The following ZFAT variants were observed in gnomAD, a reference collection of about 807,000 sequenced individuals.
ZFAT encodes the protein zinc finger and AT-hook domain containing, also known as zinc finger protein ZFAT.
A neutral mutation model predicts 117.7 loss-of-function variants in ZFAT; 64 were observed. The ratio of observed to expected loss-of-function variants is 0.54; its 90% CI spans 0.44 to 0.67. ZFAT has a LOEUF of 0.67. ZFAT is among the 30% of genes least tolerant of loss of function. The pLI is 0.00. For synonymous variants in ZFAT, 679 were observed against 615.0 expected (o/e 1.10, Z -1.54); for missense variants, 1,433 against 1,584.5 (o/e 0.90, Z 1.62).
chr8:134,548,799 T>C (rs920217495), intron 11 of ZFAT, among the ~76,000 whole-genome samples: 2 of 152,170 alleles, frequency 1.3e-5, no homozygotes, highest in Admixed American at 6.5e-5. Flanking sequence ...TATGGCCTCT[T>C]CCAGGGAGGG....
chr8:134,538,744 C>T (rs949025005), intron 11 of ZFAT, among the ~76,000 whole-genome samples: 5 of 148,924 alleles, frequency 3.4e-5, no homozygotes, highest in Non-Finnish European at 7.4e-5. Flanking sequence ...TCACAGTGAG[C>T]CAAGATTGCG....
At chr8:134,653,831 A>G (rs1241990362) in intron 2 of ZFAT, among the ~76,000 whole-genome samples, 1 of 152,180 alleles carries the variant, frequency 6.6e-6, no homozygotes, top group Non-Finnish European at 1.5e-5. Flanking sequence ...ACATATTATG[A>G]TCCCATTTTT....
chr8:134,647,803 A>G (rs1023194835), intron 2 of ZFAT, among the ~76,000 whole-genome samples: 2 of 152,166 alleles, frequency 1.3e-5, no homozygotes, highest in Admixed American at 6.5e-5. Context: ...ATCAAGGTGA[A>G]AGATCCGTAT....
intron 10 of ZFAT, among the ~76,000 whole-genome samples, chr8:134,583,340 T>C (rs958212166): frequency 6.6e-6 from 1 of 152,186 alleles, no homozygotes; most frequent in Non-Finnish European, 1.5e-5. Context: ...AAATTAGAAA[T>C]CCACTTAAGT....
intron 15 of ZFAT, among the ~76,000 whole-genome samples, chr8:134,485,945 G>A (rs572320453): frequency 3.3e-5 from 5 of 152,214 alleles, no homozygotes; most frequent in Non-Finnish European, 7.3e-5. Context: ...TGGTGCCCGA[G>A]TTCCCCACAT....
the ZFAT span, among the ~76,000 whole-genome samples, chr8:134,803,680 C>G: frequency 6.6e-6 from 1 of 152,144 alleles, no homozygotes; most frequent in African/African-American, 2.4e-5. Context: ...GTCATTTGCT[C>G]ATCTGGATAA....
At chr8:134,672,839 T>A (rs564043684) in intron 1 of ZFAT, among the ~76,000 whole-genome samples, 1 of 152,296 alleles carries the variant, frequency 6.6e-6, no homozygotes, top group East Asian at 1.9e-4. Flanking sequence ...AAAACTGGCA[T>A]AATTTGTCAC....
chr8:134,710,534 C>T (rs1813955387), intron 1 of ZFAT, among the ~76,000 whole-genome samples: 1 of 152,206 alleles, frequency 6.6e-6, no homozygotes, highest in Admixed American at 6.5e-5. Context: ...ATTGCAATCC[C>T]CTATTATTCC....
rs116814141 is a variant in ZFAT, at chr8:134,699,871, C to T, written c.19+12974G>A. Among the ~76,000 whole-genome samples the T allele has an allele frequency of 4.2e-3, 642 of 152,314 alleles. 5 individuals are homozygous for T. The highest frequency in any genetic ancestry group is 0.015 in the African/African-American group (609 of 41,576). On this transcript the variant is annotated intron_variant, in intron 1 of 15. Transcript: ENST00000377838. Reference sequence around the variant, plus strand: ...TAGAGCTTCATGCTGTCGGGATGGACAAGGCACCGGGGCAGGAGCCTCGGC... The same window carrying T: ...TAGAGCTTCATGCTGTCGGGATGGATAAGGCACCGGGGCAGGAGCCTCGGC...
chr8:134,581,575 C>T (rs1418872002), intron 10 of ZFAT, among the ~76,000 whole-genome samples: 3 of 152,100 alleles, frequency 2.0e-5, no homozygotes, highest in African/African-American at 7.2e-5. Flanking sequence ...ATGACTGATG[C>T]CTTTCTTTTT....
At chr8:134,827,711 T>C in the ZFAT span, among the ~76,000 whole-genome samples, 2 of 150,448 alleles carry the variant, frequency 1.3e-5, no homozygotes, top group South Asian at 4.2e-4. Flanking sequence ...GAGGTTGCAT[T>C]GAGCCAAAAT....
the ZFAT span, chr8:134,798,345 GA>G: frequency 2.0e-5 from 3 of 151,982 alleles, no homozygotes; most frequent in Admixed American, 6.6e-5. Context: ...TGGTAAACAA[GA>G]GGGGAAAACT....
chr8:134,488,116 GTC>G (rs1292317682), intron 15 of ZFAT, among the ~76,000 whole-genome samples: 2 of 152,234 alleles, frequency 1.3e-5, no homozygotes, highest in African/African-American at 4.8e-5. Context: ...CCAGGGGGAC[GTC>G]TAGGGAAGAG....
At chr8:134,599,517 G>A in intron 7 of ZFAT, 1 of 307,614 alleles carries the variant, frequency 3.3e-6, no homozygotes, top group Non-Finnish European at 6.3e-6. Flanking sequence ...CACAGGGCCT[G>A]TGAGAGTGTT....
intron 9 of ZFAT, among the ~76,000 whole-genome samples, chr8:134,585,237 G>C (rs1407532497): frequency 6.6e-6 from 1 of 152,156 alleles, no homozygotes; most frequent in Non-Finnish European, 1.5e-5. Flanking sequence ...GGGTCAAGCA[G>C]CATCTTTCTG....
At chr8:134,791,933 TTC>T in the ZFAT span, 2 of 151,968 alleles carry the variant, frequency 1.3e-5, no homozygotes, top group African/African-American at 4.8e-5. Flanking sequence ...TGTCTTAGAG[TTC>T]TCTGTTACAC....
At chr8:134,484,634 AG>A (rs1563759550) in intron 15 of ZFAT, among the ~76,000 whole-genome samples, 1 of 152,212 alleles carries the variant, frequency 6.6e-6, no homozygotes, top group Non-Finnish European at 1.5e-5. Context: ...TTTGACTTCT[AG>A]TCTGCAAAAT....
chr8:134,801,449 C>T, the ZFAT span, among the ~76,000 whole-genome samples: 1 of 152,244 alleles, frequency 6.6e-6, no homozygotes, highest in Non-Finnish European at 1.5e-5. Flanking sequence ...CCACTGCCAG[C>T]AAACTTTAAA....
At chr8:134,705,182 C>A (rs1331068342) in intron 1 of ZFAT, among the ~76,000 whole-genome samples, 1 of 151,924 alleles carries the variant, frequency 6.6e-6, no homozygotes, top group Non-Finnish European at 1.5e-5. Flanking sequence ...AGACAATAAA[C>A]CCTATTTATG....
Sources: allele counts gnomAD v4.1 joint callset (sites outside exome capture counted in the v4.1 genomes callset), GRCh38; gene constraint gnomAD v4.1.1; transcripts MANE v1.5; gene names NCBI Gene and HGNC (gene_info 2026-07-23, HGNC 2026-07-21).